PCDHA3: variants seen among roughly 807,000 people sequenced by gnomAD.
PCDHA3 encodes the protein protocadherin alpha 3.
A neutral mutation model predicts 62.2 loss-of-function variants in PCDHA3; 41 were observed. The ratio of observed to expected loss-of-function variants is 0.66; its 90% CI spans 0.51 to 0.86. The LOEUF (loss-of-function observed/expected upper bound fraction) is 0.86. Ranked by LOEUF, PCDHA3 falls within the 40% of genes least tolerant of loss-of-function variation. PCDHA3 has a pLI of 0.00. For synonymous variants in PCDHA3, 640 were observed against 555.4 expected (o/e 1.15, Z -2.14); for missense variants, 1,304 against 1,241.2 (o/e 1.05, Z -0.76).
intron 1 of PCDHA3, chr5:140,881,353 G>C (rs537796043): frequency 1.0e-6 from 1 of 985,060 alleles, no homozygotes; most frequent in African/African-American, 1.7e-5. Flanking sequence ...GCTACAATGC[G>C]TGGCTTTCGT....
At chr5:140,849,060 G>GT (rs1320977554) in intron 1 of PCDHA3, 2 of 1,548,996 alleles carry the variant, frequency 1.3e-6, no homozygotes, top group Non-Finnish European at 1.8e-6. Context: ...CAACCAGCAG[G>GT]TAAAACCTCT....
chr5:140,926,570 G>A (rs2083360845), intron 1 of PCDHA3: 1 of 267,246 alleles, frequency 3.7e-6, no homozygotes, highest in African/African-American at 2.2e-5. Flanking sequence ...TGCTACTGGA[G>A]ACAGCACCTC....
At chr5:140,851,020 A>G in intron 1 of PCDHA3, 1 of 1,430,342 alleles carries the variant, frequency 7.0e-7, no homozygotes, top group Non-Finnish European at 9.2e-7. Flanking sequence ...TTTCTGATAA[A>G]GTAAACCCCT....
chr5:140,972,884 G>A (rs763416041), intron 1 of PCDHA3, among the ~76,000 whole-genome samples: 4 of 151,972 alleles, frequency 2.6e-5, no homozygotes, highest in African/African-American at 7.3e-5. Flanking sequence ...GGATGGTCTC[G>A]ATCTCTTGAC....
Position 140,853,518 on chromosome 5 carries a change from C to A in PCDHA3, c.2394+49927C>A. On this transcript the variant is annotated intron_variant, in intron 1 of 3. Coordinates refer to ENST00000522353, the MANE Select transcript of PCDHA3 (RefSeq NM_018906.3). ...AGAATCATGAAACAATAATGAAGCT[C>A]CTCCTATGTCTCTTTTCAAGTTGTA... 2.0e-6 allele frequency: 2 copies of A among 976,172 alleles called. 1 individual carries two copies. 60.5% of individuals were successfully genotyped at this position (976,172 alleles called of 1,614,324 possible).
chr5:140,927,666 G>C, intron 1 of PCDHA3: 1 of 1,614,180 alleles, frequency 6.2e-7, no homozygotes, highest in Non-Finnish European at 8.5e-7. Context: ...TTCAAGCCTT[G>C]GATCCAGATG....
intron 1 of PCDHA3, among the ~76,000 whole-genome samples, chr5:140,902,520 T>C (rs1350068201): frequency 6.6e-6 from 1 of 152,116 alleles, no homozygotes; most frequent in Non-Finnish European, 1.5e-5. Context: ...TATATGGTTT[T>C]TATTATGTTG....
At chr5:140,993,510 G>A (rs144120217) in intron 3 of PCDHA3, among the ~76,000 whole-genome samples, 7 of 129,138 alleles carry the variant, frequency 5.4e-5, no homozygotes, top group African/African-American at 1.4e-4. Context: ...ACACACACAC[G>A]GGGAGAGAGA....
At chr5:140,996,596 C>T (rs1343501273) in intron 3 of PCDHA3, among the ~76,000 whole-genome samples, 1 of 152,156 alleles carries the variant, frequency 6.6e-6, no homozygotes, top group Non-Finnish European at 1.5e-5. Flanking sequence ...CCGCCTCCCC[C>T]CATTTTCATT....
At chr5:140,910,525 C>T (rs531874263) in intron 1 of PCDHA3, among the ~76,000 whole-genome samples, 2 of 152,258 alleles carry the variant, frequency 1.3e-5, no homozygotes, top group African/African-American at 4.8e-5. Context: ...GCAGGTACTC[C>T]CCTCACAAAT....
intron 1 of PCDHA3, chr5:140,837,289 A>G (rs1775001022): frequency 6.6e-6 from 1 of 152,010 alleles, no homozygotes; most frequent in Non-Finnish European, 1.5e-5. Flanking sequence ...TTTTTAACTT[A>G]CTTTGTTGAG....
Position 140,842,781 on chromosome 5 carries a change from A to G in PCDHA3, c.2394+39190A>G. ...GCGCGAGACGCGGACGCGCAGGAGA[A>G]CGCGCTGGTGTCCTACTCGCTTGTG... is the stretch of plus-strand genomic sequence containing the variant. On this transcript the variant is annotated intron_variant, in intron 1 of 3. Transcript: ENST00000522353. The G allele has an allele frequency of 1.3e-6, 2 of 1,594,512 alleles. 1 individual carries two copies. Among genetic ancestry groups the G allele is most frequent in the Non-Finnish European group, 1.7e-6 (2 of 1,165,394 alleles).
chr5:141,000,689 A>G (rs1469257297), intron 3 of PCDHA3, among the ~76,000 whole-genome samples: 1 of 151,438 alleles, frequency 6.6e-6, no homozygotes, highest in African/African-American at 2.4e-5. Context: ...CTGCCTCCCA[A>G]AGTGCTGGGA....
chr5:140,987,336 A>G (rs2097249605), intron 3 of PCDHA3, among the ~76,000 whole-genome samples: 1 of 152,200 alleles, frequency 6.6e-6, no homozygotes, highest in Admixed American at 6.5e-5. Context: ...GAACTGGTCT[A>G]AGGTAAATAT....
At chr5:140,929,231 T>G in intron 1 of PCDHA3, 2 of 1,613,886 alleles carry the variant, frequency 1.2e-6, no homozygotes, top group Non-Finnish European at 1.7e-6. Context: ...GCTGCCGACC[T>G]GCGAAATCTT....
In PCDHA3 at chr5:140,862,942, G is replaced by A. The variant is rs75462656; in HGVS notation, c.2394+59351G>A. 1.6e-3 allele frequency: 859 copies of A among 542,058 alleles called. 16 individuals carry two copies. In the East Asian group the frequency reaches 0.034, roughly 22 times the overall value. The allele number at this position is 542,058 out of a possible 1,614,324, so 33.6% of individuals were successfully genotyped here. ...GGTGGGCTGGCGGCGCTGTGAGTGA[G>A]CTGGTGCGGTATTCAGTGGATGCAG... On this transcript the variant is annotated intron_variant, in intron 1 of 3. Transcript: ENST00000522353.
At position 140,841,270 on chromosome 5, in the gene PCDHA3, C is replaced by A; in HGVS notation, c.2394+37679C>A. On this transcript the variant is annotated intron_variant, in intron 1 of 3. Transcript: ENST00000522353. ...GATTAAAAGACTCTGAAAGTACAGT[C>A]GTTCATCTTTATATTAAGATAATAT... 4 of 1,529,280 alleles carry A rather than the reference C, an allele frequency of 2.6e-6. No individual in the cohort carries two copies. The South Asian group carries it at 3.9e-5, about 15-fold the overall frequency. 94.7% of individuals were successfully genotyped at this position (1,529,280 alleles called of 1,614,324 possible).
chr5:141,009,557 C>T (rs782135260), intron 3 of PCDHA3, 70 bp from the exon 4 acceptor site: 38 of 1,565,272 alleles, frequency 2.4e-5, no homozygotes, highest in Non-Finnish European at 2.8e-5. Flanking sequence ...TACTCCTGTA[C>T]TCTACCAGCA....
At chr5:140,850,239 C>T (rs1275916187) in intron 1 of PCDHA3, 1 of 1,594,010 alleles carries the variant, frequency 6.3e-7, no homozygotes, top group Admixed American at 1.7e-5. Context: ...CGAGATGGTG[C>T]TGCGGTCGGT....
Sources: gnomAD v4.1 joint callset for allele counts (sites outside exome capture counted in the v4.1 genomes callset) on GRCh38, gnomAD v4.1.1 for gene constraint, MANE v1.5 for transcripts, NCBI Gene and HGNC (gene_info 2026-07-23, HGNC 2026-07-21) for gene names.